The following REDIC1 variants were observed in gnomAD, a reference collection of about 807,000 sequenced individuals.
REDIC1 encodes HEI10 Interacting Protein 1.
At chr12:39,721,197 T>C in the REDIC1 span, 3 of 1,613,546 alleles carry the variant, frequency 1.9e-6, no homozygotes, top group Admixed American at 3.3e-5. Context: ...AAAGGTGCAG[T>C]GGAAATATTA....
At chr12:39,783,035 G>A in the REDIC1 span, among the ~76,000 whole-genome samples, 6 of 151,632 alleles carry the variant, frequency 4.0e-5, no homozygotes. Context: ...CCCACCCCAC[G>A]ACAGGCCCTG....
chr12:39,802,009 A>C, the REDIC1 span, among the ~76,000 whole-genome samples: 2 of 152,214 alleles, frequency 1.3e-5, no homozygotes, highest in Admixed American at 6.5e-5. Flanking sequence ...AAGTAAGCAA[A>C]GAATTTCACA....
At chr12:39,749,259 A>C in the REDIC1 span, among the ~76,000 whole-genome samples, 1 of 152,218 alleles carries the variant, frequency 6.6e-6, no homozygotes, top group African/African-American at 2.4e-5. Flanking sequence ...TCCCACAGAA[A>C]TACAAACTAC....
chr12:39,713,783 A>G, the REDIC1 span, among the ~76,000 whole-genome samples: 7 of 149,100 alleles, frequency 4.7e-5, no homozygotes, highest in Non-Finnish European at 9.0e-5. Flanking sequence ...TTGTACGTAA[A>G]TATACATAGA....
the REDIC1 span, among the ~76,000 whole-genome samples, chr12:39,634,257 C>T: frequency 6.6e-6 from 1 of 152,104 alleles, no homozygotes; most frequent in Admixed American, 6.6e-5. Context: ...TATAGGAATG[C>T]TTGTGATTTT....
the REDIC1 span, among the ~76,000 whole-genome samples, chr12:39,711,201 C>T: frequency 2.5e-4 from 38 of 150,390 alleles, no homozygotes; most frequent in African/African-American, 9.0e-4. Context: ...TAATTCCTTC[C>T]TTTTTATGGC....
At chr12:39,764,315 C>A in the REDIC1 span, 3 of 671,364 alleles carry the variant, frequency 4.5e-6, no homozygotes, top group Non-Finnish European at 7.0e-6. Flanking sequence ...ATTTCCGATG[C>A]CTTTGGAGGA....
the REDIC1 span, chr12:39,683,320 T>C: frequency 8.8e-7 from 1 of 1,140,494 alleles, no homozygotes; most frequent in Non-Finnish European, 1.3e-6. Context: ...ACCAGTGGTT[T>C]TCCTCTGTAC....
the REDIC1 span, among the ~76,000 whole-genome samples, chr12:39,687,670 G>A: frequency 6.6e-6 from 1 of 152,148 alleles, no homozygotes; most frequent in African/African-American, 2.4e-5. Flanking sequence ...TTGCCGGGGG[G>A]TACCCAAAGA....
the REDIC1 span, among the ~76,000 whole-genome samples, chr12:39,709,024 GT>G: frequency 2.6e-5 from 4 of 151,850 alleles, no homozygotes; most frequent in South Asian, 2.1e-4. Flanking sequence ...GTTCAGTCTA[GT>G]TTTTTACATT....
At chr12:39,729,064 T>C in the REDIC1 span, among the ~76,000 whole-genome samples, 1 of 152,114 alleles carries the variant, frequency 6.6e-6, no homozygotes, top group African/African-American at 2.4e-5. Flanking sequence ...TCTTTGTTAG[T>C]CTGGCTAGTG....
the REDIC1 span, among the ~76,000 whole-genome samples, chr12:39,665,440 T>G: frequency 2.0e-5 from 3 of 151,636 alleles, no homozygotes; most frequent in South Asian, 2.1e-4. Flanking sequence ...ATATCTCTGT[T>G]TTGGTACCAG....
chr12:39,735,659 T>G, the REDIC1 span, among the ~76,000 whole-genome samples: 1 of 152,094 alleles, frequency 6.6e-6, no homozygotes, highest in African/African-American at 2.4e-5. Flanking sequence ...GTCAGGAAAA[T>G]AAGTAATAAA....
the REDIC1 span, among the ~76,000 whole-genome samples, chr12:39,818,750 A>G: frequency 1.3e-5 from 2 of 152,172 alleles, no homozygotes; most frequent in Non-Finnish European, 2.9e-5. Context: ...GGCAGAATAA[A>G]TGTAGATGTT....
chr12:39,703,556 ACTTT>A, the REDIC1 span, among the ~76,000 whole-genome samples: 1 of 151,850 alleles, frequency 6.6e-6, no homozygotes. Flanking sequence ...GCTACCAATG[ACTTT>A]CTTCACAGAA....
the REDIC1 span, among the ~76,000 whole-genome samples, chr12:39,904,577 G>A: frequency 6.6e-6 from 1 of 152,016 alleles, no homozygotes; most frequent in Non-Finnish European, 1.5e-5. Context: ...CATGGAGAAA[G>A]CTCTTGTTTA....
the REDIC1 span, among the ~76,000 whole-genome samples, chr12:39,713,953 G>A: frequency 1.4e-5 from 2 of 147,334 alleles, no homozygotes; most frequent in African/African-American, 5.0e-5. Context: ...CTATATATAC[G>A]TGTATATACA....
At chr12:39,736,210 C>CTGGATTACAGAATTTTTA in the REDIC1 span, among the ~76,000 whole-genome samples, 1 of 152,200 alleles carries the variant, frequency 6.6e-6, no homozygotes, top group Non-Finnish European at 1.5e-5. Flanking sequence ...GTGTGCATGG[C>CTGGATTACAGAATTTTTA]TGGATTACAG....
the REDIC1 span, among the ~76,000 whole-genome samples, chr12:39,711,592 T>C: frequency 4.6e-3 from 62 of 13,442 alleles, 1 homozygote; most frequent in East Asian, 0.037. Flanking sequence ...TGCATGTGTA[T>C]ATGTGTATAC....
Sources: gnomAD v4.1 joint callset for allele counts (sites outside exome capture counted in the v4.1 genomes callset) on GRCh38, gnomAD v4.1.1 for gene constraint, MANE v1.5 for transcripts, NCBI Gene and HGNC (gene_info 2026-07-23, HGNC 2026-07-21) for gene names.